The following METTL24 variants were observed in gnomAD, a reference collection of about 807,000 sequenced individuals.
METTL24 encodes probable methyltransferase-like protein 24.
Under a neutral mutation model 32.7 loss-of-function variants are expected in METTL24, and 29 were observed. The ratio of observed to expected loss-of-function variants is 0.89; its 90% CI spans 0.66 to 1.21. The LOEUF (loss-of-function observed/expected upper bound fraction) is 1.21. Among genes scored for constraint, METTL24 ranks in the 50% most tolerant of loss-of-function variants. METTL24 has a pLI of 0.00. For synonymous variants in METTL24, 163 were observed against 179.5 expected (o/e 0.91, Z 0.73); for missense variants, 439 against 468.1 (o/e 0.94, Z 0.57).
intron 3 of METTL24, among the ~76,000 whole-genome samples, chr6:110,311,468 G>GTTTTTTTTTTT (rs1051868507): frequency 1.0e-5 from 1 of 96,150 alleles, no homozygotes; most frequent in Non-Finnish European, 2.0e-5. Flanking sequence ...TTCTTTCTTT[G>GTTTTTTTTTTT]TTTTTTTTTT....
intron 3 of METTL24, among the ~76,000 whole-genome samples, chr6:110,306,047 C>A (rs184829563): frequency 5.5e-4 from 84 of 152,060 alleles, no homozygotes; most frequent in African/African-American, 2.0e-3. Flanking sequence ...AAGCTGGAAA[C>A]CATCATCCTC....
chr6:110,316,123 C>T (rs977760516), intron 2 of METTL24, among the ~76,000 whole-genome samples: 10 of 152,194 alleles, frequency 6.6e-5, no homozygotes, highest in African/African-American at 2.4e-4. Flanking sequence ...CCTTGTGATA[C>T]ACTGCTCTAA....
rs1049196400 is a variant in METTL24, at chr6:110,358,321, T to G, written c.-49A>C. On this transcript the variant is annotated 5_prime_UTR_variant, in exon 1 of 5. Transcript: ENST00000338882. ...GGCCGCGCCTGGCCGGCAGCAGGGATGTAGCCCCACAGGCCGGAGCGGCCA... is the reference window on the plus strand; with the variant it reads ...GGCCGCGCCTGGCCGGCAGCAGGGAGGTAGCCCCACAGGCCGGAGCGGCCA... The G allele has an allele frequency of 7.4e-7, 1 of 1,352,282 alleles. No individual in the cohort carries two copies. The highest frequency in any genetic ancestry group is 9.6e-7 in the Non-Finnish European group (1 of 1,044,654). The allele number at this position is 1,352,282 out of a possible 1,614,324, so 83.8% of individuals were successfully genotyped here.
At chr6:110,266,829 T>C (rs1770865491) in intron 4 of METTL24, among the ~76,000 whole-genome samples, 1 of 152,200 alleles carries the variant, frequency 6.6e-6, no homozygotes, top group African/African-American at 2.4e-5. Flanking sequence ...ATTATTTTTC[T>C]TGAAGAAGCA....
intron 4 of METTL24, among the ~76,000 whole-genome samples, chr6:110,265,566 A>G (rs751524889): frequency 6.6e-5 from 10 of 152,108 alleles, no homozygotes; most frequent in Admixed American, 1.3e-4. Flanking sequence ...GATATAAGTA[A>G]AAGTGTCATG....
chr6:110,243,948 A>G lies in METTL24; in HGVS notation c.*1998T>C, dbSNP rs183571610. Among the ~76,000 whole-genome samples the G allele has an allele frequency of 4.8e-4, 73 of 152,368 alleles. No homozygotes were observed. Among genetic ancestry groups the G allele is most frequent in the African/African-American group, 1.5e-3 (63 of 41,592 alleles). On this transcript the variant is annotated 3_prime_UTR_variant, in exon 5 of 5. Transcript: ENST00000338882. ...ACAATAAAGTAATAATGTGGTTTTT[A>G]TGCTATTTATTTGAAATAGAATTTT...
chr6:110,281,668 G>A (rs1053215637), intron 4 of METTL24, among the ~76,000 whole-genome samples: 30 of 151,368 alleles, frequency 2.0e-4, no homozygotes, highest in East Asian at 7.8e-4. Flanking sequence ...AAAAAGGAGC[G>A]GGGGGAGTAA....
In METTL24 at chr6:110,259,938, G is replaced by A. The variant is rs1023638732; in HGVS notation, c.787-13678C>T. Among the ~76,000 whole-genome samples, 5 of 152,114 alleles carry A rather than the reference G, an allele frequency of 3.3e-5. 1 individual carries two copies. The highest frequency in any genetic ancestry group is 6.3e-3 in the Middle Eastern group (2 of 316). ...TAGAAGGAAAACTAACAAACAGAAA[G>A]GACATCCACACCAAAACCCCATCTG... On this transcript the variant is annotated intron_variant, in intron 4 of 4. Coordinates refer to ENST00000338882, the MANE Select transcript of METTL24 (RefSeq NM_001123364.3).
In METTL24 at chr6:110,316,110, G is replaced by A. The variant is rs369660512; in HGVS notation, c.418-629C>T. On this transcript the variant is annotated intron_variant, in intron 2 of 4. Coordinates refer to ENST00000338882, the MANE Select transcript of METTL24 (RefSeq NM_001123364.3). ...AGGCAGTCCCTGCTGATAAGGCAGTGTTCCTTGTGATACACTGCTCTAATG... is the reference window on the plus strand; with the variant it reads ...AGGCAGTCCCTGCTGATAAGGCAGTATTCCTTGTGATACACTGCTCTAATG... Among the ~76,000 whole-genome samples, 266 of 152,342 alleles carry A rather than the reference G, an allele frequency of 1.7e-3. 9 individuals are homozygous for A. The South Asian group carries it at 0.035, about 20-fold the overall frequency.
intron 4 of METTL24, among the ~76,000 whole-genome samples, chr6:110,251,341 C>G (rs75804498): frequency 0.063 from 9,521 of 152,096 alleles, 371 homozygotes; most frequent in South Asian, 0.16. Flanking sequence ...AATAATAAAG[C>G]CTTTATTCAT....
At chr6:110,344,301 T>C (rs1265934090) in intron 1 of METTL24, among the ~76,000 whole-genome samples, 1 of 152,138 alleles carries the variant, frequency 6.6e-6, no homozygotes, top group Non-Finnish European at 1.5e-5. Context: ...AAAAAAACTC[T>C]AGCACGAGAG....
intron 1 of METTL24, among the ~76,000 whole-genome samples, chr6:110,353,920 G>T (rs1259420394): frequency 6.6e-6 from 1 of 151,862 alleles, no homozygotes; most frequent in Admixed American, 6.6e-5. Context: ...CATAGTAAAG[G>T]TCTGTTTCAT....
intron 4 of METTL24, among the ~76,000 whole-genome samples, chr6:110,261,586 G>A (rs1288542021): frequency 6.6e-6 from 1 of 152,142 alleles, no homozygotes; most frequent in East Asian, 1.9e-4. Flanking sequence ...GGATATCCAG[G>A]AATTGAACTC....
intron 2 of METTL24, among the ~76,000 whole-genome samples, chr6:110,315,711 GAAGTT>G (rs1296972503): frequency 2.6e-5 from 4 of 152,192 alleles, no homozygotes; most frequent in Non-Finnish European, 1.5e-5. Flanking sequence ...GGTTTGGAGA[GAAGTT>G]AAGAGCTGCT....
chr6:110,252,282 AC>A (rs1490494256), intron 4 of METTL24, among the ~76,000 whole-genome samples: 5 of 152,136 alleles, frequency 3.3e-5, no homozygotes, highest in Non-Finnish European at 7.4e-5. Flanking sequence ...GAGGCTAGAA[AC>A]CCAAGATCAA....
At chr6:110,337,449 G>A (rs541826410) in intron 1 of METTL24, among the ~76,000 whole-genome samples, 2 of 152,208 alleles carry the variant, frequency 1.3e-5, no homozygotes, top group East Asian at 3.9e-4. Flanking sequence ...AGAGTGCACA[G>A]AATAATAAAA....
intron 4 of METTL24, among the ~76,000 whole-genome samples, chr6:110,298,343 T>A (rs536170525): frequency 2.0e-5 from 3 of 152,228 alleles, no homozygotes; most frequent in Admixed American, 6.5e-5. Context: ...TTGCTGTCCA[T>A]TCATAATAAA....
intron 4 of METTL24, among the ~76,000 whole-genome samples, chr6:110,247,712 C>T (rs1010151179): frequency 6.6e-6 from 1 of 152,156 alleles, no homozygotes; most frequent in Admixed American, 6.5e-5. Flanking sequence ...GAATATCCTG[C>T]CCCATGAAAG....
intron 2 of METTL24, among the ~76,000 whole-genome samples, chr6:110,319,983 C>T (rs1436148681): frequency 6.6e-6 from 1 of 152,160 alleles, no homozygotes; most frequent in Non-Finnish European, 1.5e-5. Flanking sequence ...AACTCTCTTG[C>T]ACCCTACCTA....
Sources: gnomAD v4.1 joint callset for allele counts (sites outside exome capture counted in the v4.1 genomes callset) on GRCh38, gnomAD v4.1.1 for gene constraint, MANE v1.5 for transcripts, NCBI Gene and HGNC (gene_info 2026-07-23, HGNC 2026-07-21) for gene names.